ALDH1L1: variants seen among roughly 807,000 people sequenced by gnomAD.
The protein encoded by ALDH1L1 is cytosolic 10-formyltetrahydrofolate dehydrogenase.
A neutral mutation model predicts 101.1 loss-of-function variants in ALDH1L1; 68 were observed. The ratio of observed to expected loss-of-function variants is 0.67; its 90% CI spans 0.55 to 0.82. The LOEUF (loss-of-function observed/expected upper bound fraction) is 0.82. Among genes scored for constraint, ALDH1L1 ranks in the 40% least tolerant of loss-of-function variants. The pLI, the probability that ALDH1L1 is intolerant of heterozygous loss-of-function variation, is 0.00. For synonymous variants in ALDH1L1, 486 were observed against 470.8 expected (o/e 1.03, Z -0.42); for missense variants, 1,087 against 1,172.7 (o/e 0.93, Z 1.07).
At chr3:126,120,231 G>T (rs536293019) in intron 16 of ALDH1L1, among the ~76,000 whole-genome samples, 5 of 152,212 alleles carry the variant, frequency 3.3e-5, no homozygotes, top group Non-Finnish European at 5.9e-5. Context: ...TTACCAAGAC[G>T]TCCTTCAGAA....
At chr3:126,160,175 G>A (rs994356145) in intron 2 of ALDH1L1, 18 of 153,042 alleles carry the variant, frequency 1.2e-4, no homozygotes, top group African/African-American at 4.3e-4. Context: ...ACTTGTCCCA[G>A]GTTAACAATT....
At chr3:126,125,929 T>A (rs2080173415) in intron 14 of ALDH1L1, among the ~76,000 whole-genome samples, 2 of 152,176 alleles carry the variant, frequency 1.3e-5, no homozygotes, top group South Asian at 4.1e-4. Flanking sequence ...CAGCAGCCCC[T>A]CTTCCTAGCA....
rs547948432 is a variant in ALDH1L1, at chr3:126,126,369, C to A, written c.1695-648G>T. On this transcript the variant is annotated intron_variant, in intron 14 of 22. Transcript: ENST00000393434. Reference sequence around the variant, plus strand: ...ATCCTGTGTGGCCCTGCCTTCCCCCCATACAGCACCACTTTGGTTGAGCGC... The same window carrying A: ...ATCCTGTGTGGCCCTGCCTTCCCCCAATACAGCACCACTTTGGTTGAGCGC... 6.3e-4 allele frequency among the ~76,000 whole-genome samples: 96 copies of A among 152,290 alleles called. 1 individual carries two copies. In the South Asian group the frequency reaches 8.1e-3, roughly 13 times the overall value.
chr3:126,132,065 C>G (rs1023659151), intron 12 of ALDH1L1, among the ~76,000 whole-genome samples: 1 of 152,252 alleles, frequency 6.6e-6, no homozygotes, highest in Admixed American at 6.5e-5. Context: ...TGGGGGCTGA[C>G]GCGTTTACAC....
chr3:126,126,559 G>A (rs1304297251), intron 14 of ALDH1L1, among the ~76,000 whole-genome samples: 2 of 148,470 alleles, frequency 1.3e-5, no homozygotes, highest in African/African-American at 4.9e-5. Context: ...GCAGCAGGGA[G>A]CACTGAGATA....
rs575823661 is a variant in ALDH1L1, at chr3:126,142,830, C to T, written c.1076+4005G>A. 2.6e-5 allele frequency among the ~76,000 whole-genome samples: 4 copies of T among 152,282 alleles called. No individual in the cohort carries two copies. The East Asian group carries it at 7.7e-4, about 29-fold the overall frequency. The stretch of plus-strand genomic sequence containing the variant: ...TTCCATTCAATACACTATAGTAGTT[C>T]CTCCTTACCCACGGGCAGGGTCGGG... On this transcript the variant is annotated intron_variant, in intron 9 of 22. Transcript: ENST00000393434.
intron 18 of ALDH1L1, among the ~76,000 whole-genome samples, chr3:126,113,695 T>C (rs1946152295): frequency 6.6e-6 from 1 of 152,186 alleles, no homozygotes; most frequent in Non-Finnish European, 1.5e-5. Context: ...GCTAGGGTGT[T>C]AGGCCACCCT....
chr3:126,118,563 T>G (rs1026310210), intron 16 of ALDH1L1, among the ~76,000 whole-genome samples: 1 of 152,030 alleles, frequency 6.6e-6, no homozygotes, highest in Non-Finnish European at 1.5e-5. Context: ...AACTGAGAGA[T>G]GATAACCATC....
chr3:126,123,968 A>C (rs3772421), intron 16 of ALDH1L1, among the ~76,000 whole-genome samples: 90,512 of 152,040 alleles, frequency 0.6, 27,158 homozygotes, highest in African/African-American at 0.67. Context: ...TAAACTAGAC[A>C]ACTAAACACA....
chr3:126,172,999 T>C (rs536669483), intron 1 of ALDH1L1, among the ~76,000 whole-genome samples: 9 of 152,306 alleles, frequency 5.9e-5, no homozygotes, highest in South Asian at 4.1e-4. Context: ...CTAGATTCCA[T>C]CTGTATGCAG....
At chr3:126,119,545 A>G (rs867418922) in intron 16 of ALDH1L1, among the ~76,000 whole-genome samples, 1 of 152,062 alleles carries the variant, frequency 6.6e-6, no homozygotes, top group Non-Finnish European at 1.5e-5. Context: ...CCCTGCCTCC[A>G]GGCTTGTAAA....
At chr3:126,127,313 C>T (rs1339707323) in intron 14 of ALDH1L1, among the ~76,000 whole-genome samples, 1 of 152,298 alleles carries the variant, frequency 6.6e-6, no homozygotes, top group African/African-American at 2.4e-5. Flanking sequence ...TTTCATTAGC[C>T]TTGCTGCCTC....
rs1477060898 is a variant in ALDH1L1, at chr3:126,107,202, T to C, written c.2392A>G (p.Met798Val). Residue 798 changes from methionine to valine, a missense_variant, in exon 21 of 23, where the codon ATG becomes GTG. Physicochemically the swap from Met to Val is conservative, Grantham distance 21 (BLOSUM62 1). This residue lies in a region of ALDH1L1 where 442 missense variants were observed against 535.7 expected (regional missense o/e 0.83). Coordinates refer to ENST00000393434, the MANE Select transcript of ALDH1L1 (RefSeq NM_012190.4). ...AAGGACTCCTCCTTGGCTATGAACA[T>C]GTGGTCTTCCACGTCTGTGAAAACA... is the stretch of plus-strand genomic sequence containing the variant. ...PTVFTDVEDHMFIAKEESFGP... is the reference protein window; with the variant it reads ...PTVFTDVEDHVFIAKEESFGP... The C allele has an allele frequency of 1.2e-6, 2 of 1,614,154 alleles. No individual in the cohort carries two copies. The highest frequency in any genetic ancestry group is 1.7e-6 in the Non-Finnish European group (2 of 1,180,020).
intron 7 of ALDH1L1, chr3:126,151,253 C>T (rs1275758120): frequency 6.6e-6 from 1 of 152,114 alleles, no homozygotes; most frequent in Non-Finnish European, 1.5e-5. Context: ...CCAGAACTGC[C>T]ACAGAAACAC....
At chr3:126,110,810 C>A (rs779305496) in intron 19 of ALDH1L1, among the ~76,000 whole-genome samples, 21 of 152,262 alleles carry the variant, frequency 1.4e-4, no homozygotes, top group Non-Finnish European at 2.5e-4. Context: ...CCTGTCCTGT[C>A]GCCCCAAACC....
chr3:126,160,898 C>G lies in ALDH1L1; in HGVS notation c.82G>C (p.Gly28Arg). 3 of 1,614,254 alleles carry G rather than the reference C, an allele frequency of 1.9e-6. No individual in the cohort carries two copies. The highest frequency in any genetic ancestry group is 2.5e-6 in the Non-Finnish European group (3 of 1,180,044). The change falls in exon 2 of 23, where the codon GGT (glycine) becomes CGT (arginine). Residue 28 changes from glycine to arginine, a missense_variant. By Grantham distance (125) the Gly-to-Arg change is moderately radical (BLOSUM62 -2). Transcript: ENST00000393434. ...HLRKEGHEVV[G>R]VFTVPDKDGK... ...TCCTTGTCTGGAACAGTGAACACACCCACCACTTCGTGGCCCTCCTTCCTC... is the reference window on the plus strand; with the variant it reads ...TCCTTGTCTGGAACAGTGAACACACGCACCACTTCGTGGCCCTCCTTCCTC...
chr3:126,135,817 G>A (rs1299319244), intron 11 of ALDH1L1, among the ~76,000 whole-genome samples, 155 bp from the exon 12 acceptor site: 2 of 152,186 alleles, frequency 1.3e-5, no homozygotes, highest in African/African-American at 2.4e-5. Flanking sequence ...GGACAACCCT[G>A]GGAGGGTTTA....
At chr3:126,146,263 C>T (rs141808977) in intron 9 of ALDH1L1, among the ~76,000 whole-genome samples, 6 of 152,276 alleles carry the variant, frequency 3.9e-5, no homozygotes, top group Non-Finnish European at 5.9e-5. Context: ...ATGAACACAA[C>T]GTGCTCACTC....
At chr3:126,123,411 C>G (rs895192028) in intron 16 of ALDH1L1, among the ~76,000 whole-genome samples, 1 of 152,040 alleles carries the variant, frequency 6.6e-6, no homozygotes, top group African/African-American at 2.4e-5. Flanking sequence ...GCGCCTGCCA[C>G]CATGCCCAGC....
Sources: gnomAD v4.1 joint callset for allele counts (sites outside exome capture counted in the v4.1 genomes callset) on GRCh38, gnomAD v4.1.1 for gene constraint, gnomAD v4.1.1 regional missense constraint, MANE v1.5 for transcripts, NCBI Gene and HGNC (gene_info 2026-07-23, HGNC 2026-07-21) for gene names.